The following COMMD10 variants were observed in gnomAD, a reference collection of about 807,000 sequenced individuals.
COMMD10 encodes COMM domain containing 10, also known as COMM domain-containing protein 10.
COMMD10 carries 33 observed loss-of-function variants against 28.9 expected under a neutral mutation model. The observed-to-expected ratio is 1.14, with a 90% confidence interval of 0.87 to 1.53. The LOEUF (loss-of-function observed/expected upper bound fraction) is 1.53, where lower values mean the gene tolerates loss of function less well. Among genes scored for constraint, COMMD10 ranks in the 40% most tolerant of loss-of-function variants. The pLI is 0.00. For synonymous variants in COMMD10, 110 were observed against 81.7 expected, an observed-to-expected ratio of 1.35 and a Z score of -1.87; for missense variants, 310 against 233.4, an observed-to-expected ratio of 1.33 and a Z score of -2.14.
rs571386527 is a variant in COMMD10, at chr5:116,286,521, C to G, written c.511-4996C>G. Among the ~76,000 whole-genome samples, 21 of 151,378 alleles carry G rather than the reference C, an allele frequency of 1.4e-4. No homozygotes were observed. The South Asian group carries it at 4.1e-3, about 30-fold the overall frequency. ...CAGCTATAAACTTAACCCTTTAACA[C>G]TAGTTTCACTCCATCCCAAAATTTT... On this transcript the variant is annotated intron_variant, in intron 5 of 6. Coordinates refer to ENST00000274458, the MANE Select transcript of COMMD10 (RefSeq NM_016144.4).
intron 5 of COMMD10, among the ~76,000 whole-genome samples, chr5:116,217,671 A>G (rs1302392091): frequency 6.6e-6 from 1 of 152,158 alleles, no homozygotes; most frequent in Non-Finnish European, 1.5e-5. Flanking sequence ...GTGCTGATAG[A>G]TGGGAAGGGA....
rs533519485 is a variant in COMMD10, at chr5:116,157,703, A to G, written c.510+23525A>G. 9.8e-5 allele frequency among the ~76,000 whole-genome samples: 15 copies of G among 152,322 alleles called. No homozygotes were observed. The South Asian group carries it at 3.1e-3, about 32-fold the overall frequency. ...AAGTCACACTTCAAAGGTTATGTTTATAGTGAGAGGTGAAGAATTGGAGTC... is the reference window on the plus strand; with the variant it reads ...AAGTCACACTTCAAAGGTTATGTTTGTAGTGAGAGGTGAAGAATTGGAGTC... On this transcript the variant is annotated intron_variant, in intron 5 of 6. Transcript: ENST00000274458.
intron 4 of COMMD10, among the ~76,000 whole-genome samples, chr5:116,133,418 ATTAGTTT>A (rs1751923683): frequency 6.6e-6 from 1 of 152,330 alleles, no homozygotes; most frequent in African/African-American, 2.4e-5. Flanking sequence ...AAATGTTCTG[ATTAGTTT>A]CTGTCATAAC....
intron 6 of COMMD10, among the ~76,000 whole-genome samples, chr5:116,291,958 C>T (rs755005803): frequency 6.6e-6 from 1 of 151,896 alleles, no homozygotes; most frequent in Non-Finnish European, 1.5e-5. Flanking sequence ...TTTCATGTCT[C>T]TTTCTGAAGA....
chr5:116,135,937 GTATC>G (rs1365474312), intron 5 of COMMD10, among the ~76,000 whole-genome samples: 4 of 151,866 alleles, frequency 2.6e-5, no homozygotes, highest in Admixed American at 2.6e-4. Context: ...ATAGGTAATA[GTATC>G]TATCTACACA....
intron 4 of COMMD10, 105 bp from the exon 5 acceptor site, chr5:116,133,963 G>T (rs1023709604): frequency 1.3e-5 from 9 of 693,814 alleles, no homozygotes; most frequent in African/African-American, 1.8e-5. Flanking sequence ...TTTCTGTGAA[G>T]CCTAGGCTAT....
At chr5:116,201,709 C>T (rs1198519294) in intron 5 of COMMD10, among the ~76,000 whole-genome samples, 1 of 152,082 alleles carries the variant, frequency 6.6e-6, no homozygotes, top group African/African-American at 2.4e-5. Flanking sequence ...CTTAATGTCA[C>T]AGACTGACAT....
intron 5 of COMMD10, among the ~76,000 whole-genome samples, chr5:116,251,791 T>TCC (rs1286791778): frequency 6.6e-6 from 1 of 152,110 alleles, no homozygotes; most frequent in African/African-American, 2.4e-5. Context: ...TGATTTATAG[T>TCC]CCCTTGGGTA....
At position 116,292,512 on chromosome 5, in the gene COMMD10, C is replaced by A; in HGVS notation, c.*23C>A. The A allele has an allele frequency of 2.6e-6, 4 of 1,563,352 alleles. No homozygotes were observed. Among genetic ancestry groups the A allele is most frequent in the Non-Finnish European group, 3.5e-6 (4 of 1,151,274 alleles). Reference sequence around the variant, plus strand: ...TGATGTTTTCGAAGACTGTTTTTTTCATCACGCTCCTGCCACCTCATTATT... The same window carrying A: ...TGATGTTTTCGAAGACTGTTTTTTTAATCACGCTCCTGCCACCTCATTATT... On this transcript the variant is annotated 3_prime_UTR_variant, in exon 7 of 7. Transcript: ENST00000274458.
At chr5:116,275,401 C>G (rs918737132) in intron 5 of COMMD10, among the ~76,000 whole-genome samples, 1 of 151,750 alleles carries the variant, frequency 6.6e-6, no homozygotes, top group African/African-American at 2.4e-5. Context: ...GATATCAGTT[C>G]TACTAGGAAT....
chr5:116,244,660 C>CA (rs60360733), intron 5 of COMMD10, among the ~76,000 whole-genome samples: 5,684 of 79,414 alleles, frequency 0.072, 145 homozygotes, highest in African/African-American at 0.095. Context: ...AAAAAAATTA[C>CA]AAAAAAAAAA....
intron 5 of COMMD10, among the ~76,000 whole-genome samples, chr5:116,187,215 A>G (rs1748168127): frequency 6.6e-6 from 1 of 152,168 alleles, no homozygotes; most frequent in Admixed American, 6.5e-5. Flanking sequence ...CTAATGCTGT[A>G]GAATAAATGA....
At chr5:116,090,085 G>A (rs1402102700) in intron 2 of COMMD10, among the ~76,000 whole-genome samples, 1 of 152,108 alleles carries the variant, frequency 6.6e-6, no homozygotes, top group African/African-American at 2.4e-5. Flanking sequence ...CTGTTTATGG[G>A]CAGAAGAGAT....
chr5:116,093,782 A>C (rs992148091), intron 4 of COMMD10, among the ~76,000 whole-genome samples: 1 of 152,234 alleles, frequency 6.6e-6, no homozygotes, highest in Non-Finnish European at 1.5e-5. Flanking sequence ...CTTGTATTAC[A>C]AGGCTATAGT....
chr5:116,205,612 A>G (rs1310969085), intron 5 of COMMD10, among the ~76,000 whole-genome samples: 11 of 152,162 alleles, frequency 7.2e-5, no homozygotes, highest in Non-Finnish European at 1.6e-4. Flanking sequence ...ATGTACACAT[A>G]TAGACACGTG....
chr5:116,170,334 A>C (rs1462830803), intron 5 of COMMD10, among the ~76,000 whole-genome samples: 1 of 152,224 alleles, frequency 6.6e-6, no homozygotes, highest in African/African-American at 2.4e-5. Context: ...CAAGGAAATG[A>C]GAGGACAGAA....
chr5:116,126,479 C>CA (rs1375669794), intron 4 of COMMD10, among the ~76,000 whole-genome samples: 6 of 152,014 alleles, frequency 3.9e-5, no homozygotes, highest in African/African-American at 1.5e-4. Flanking sequence ...CAATCCTAAG[C>CA]AAAAAGAACA....
intron 5 of COMMD10, among the ~76,000 whole-genome samples, chr5:116,250,326 T>C (rs1198771960): frequency 6.6e-6 from 1 of 151,802 alleles, no homozygotes; most frequent in African/African-American, 2.4e-5. Flanking sequence ...CAGGTATAAT[T>C]TTCAATTCAT....
chr5:116,210,442 G>C (rs74707178), intron 5 of COMMD10, among the ~76,000 whole-genome samples: 3,310 of 151,972 alleles, frequency 0.022, 114 homozygotes, highest in African/African-American at 0.075. Context: ...GTCATTGATG[G>C]TAGGGATGAT....
Sources: gnomAD v4.1 joint callset for allele counts (sites outside exome capture counted in the v4.1 genomes callset) on GRCh38, gnomAD v4.1.1 for gene constraint, MANE v1.5 for transcripts, NCBI Gene and HGNC (gene_info 2026-07-23, HGNC 2026-07-21) for gene names.